RTKN2: variants seen among roughly 807,000 people sequenced by gnomAD.
RTKN2 encodes the protein rhotekin 2.
A neutral mutation model predicts 71.5 loss-of-function variants in RTKN2; 69 were observed. That is an observed-to-expected ratio of 0.96 (90% CI 0.79 to 1.18). The LOEUF is 1.18. Among genes scored for constraint, RTKN2 ranks in the 50% most tolerant of loss-of-function variants. The probability of loss-of-function intolerance (pLI) is 0.00; values close to 1 mark genes in which losing one functional copy is unlikely to be tolerated. For missense variants in RTKN2, 724 were observed against 719.7 expected (o/e 1.01, Z -0.07); for synonymous variants, 236 against 236.5 (o/e 1.00, Z 0.02).
chr10:62,184,754 C>G (rs938159861), intron 8 of RTKN2, among the ~76,000 whole-genome samples: 3 of 152,076 alleles, frequency 2.0e-5, no homozygotes, highest in Non-Finnish European at 2.9e-5. Context: ...TCTAGAGAAC[C>G]CTTTCTCAAC....
chr10:62,186,696 A>T (rs1168449597), intron 8 of RTKN2, among the ~76,000 whole-genome samples: 1 of 152,214 alleles, frequency 6.6e-6, no homozygotes, highest in African/African-American at 2.4e-5. Context: ...TGCTGCTAAA[A>T]GTATGACATT....
rs2132785471 is a variant in RTKN2, at chr10:62,197,065, T to C, written c.*843A>G. On this transcript the variant is annotated 3_prime_UTR_variant, in exon 12 of 12. Coordinates refer to ENST00000373789, the MANE Select transcript of RTKN2 (RefSeq NM_145307.4). ...AATTATTTACCATGGCCAACTTTTC[T>C]GATATTTTTGAATCTCTCATCTTCT... The C allele has an allele frequency of 1.0e-6, 1 of 978,392 alleles. No individual in the cohort carries two copies. The highest frequency in any genetic ancestry group is 1.1e-4 in the East Asian group (1 of 8,790). 60.6% of individuals were successfully genotyped at this position (978,392 alleles called of 1,614,324 possible).
At chr10:62,235,103 G>A (rs1388469955) in intron 6 of RTKN2, among the ~76,000 whole-genome samples, 1 of 152,032 alleles carries the variant, frequency 6.6e-6, no homozygotes, top group African/African-American at 2.4e-5. Flanking sequence ...ACAAGACCTA[G>A]TCTCTTCAAT....
At chr10:62,235,255 A>C (rs943358715) in intron 6 of RTKN2, among the ~76,000 whole-genome samples, 1 of 152,170 alleles carries the variant, frequency 6.6e-6, no homozygotes, top group African/African-American at 2.4e-5. Flanking sequence ...AGAATTGGGC[A>C]ATATGAATAC....
At chr10:62,221,644 A>T (rs1321177191) in intron 7 of RTKN2, among the ~76,000 whole-genome samples, 1 of 152,134 alleles carries the variant, frequency 6.6e-6, no homozygotes, top group African/African-American at 2.4e-5. Flanking sequence ...AATAGATATA[A>T]CTATGGGTCG....
intron 6 of RTKN2, 77 bp from the exon 7 acceptor site, chr10:62,223,409 A>G: frequency 1.2e-6 from 1 of 849,118 alleles, no homozygotes; most frequent in Non-Finnish European, 2.0e-6. Flanking sequence ...ATGTTCAACA[A>G]CAAATAATAA....
chr10:62,193,096 T>A lies in RTKN2; in HGVS notation c.*4812A>T, dbSNP rs1841249884. The A allele has an allele frequency of 2.3e-6, 1 of 431,206 alleles. No homozygotes were observed. Among genetic ancestry groups the A allele is most frequent in the South Asian group, 1.0e-4 (1 of 10,028 alleles). 26.7% of individuals were successfully genotyped at this position (431,206 alleles called of 1,614,324 possible). A position where few individuals can be genotyped will look rare whatever the true frequency, so the allele number is the denominator to read the frequency against. On this transcript the variant is annotated 3_prime_UTR_variant, in exon 12 of 12. Transcript: ENST00000373789. ...AATTGCTACAACTAATTCAGTTAAATGTTTATTAAGATTAAGTTCTACAAA... is the reference window on the plus strand; with the variant it reads ...AATTGCTACAACTAATTCAGTTAAAAGTTTATTAAGATTAAGTTCTACAAA...
rs971407403 is a variant in RTKN2 at position 62,193,667 on chromosome 10, T to C, written c.*4241A>G. The C allele has an allele frequency of 1.0e-6, 1 of 985,314 alleles. No individual in the cohort carries two copies. Among genetic ancestry groups the C allele is most frequent in the Non-Finnish European group, 1.2e-6 (1 of 829,850 alleles). The allele number at this position is 985,314 out of a possible 1,614,324, so 61.0% of individuals were successfully genotyped here. On this transcript the variant is annotated 3_prime_UTR_variant, in exon 12 of 12. Coordinates refer to ENST00000373789, the MANE Select transcript of RTKN2 (RefSeq NM_145307.4). ...GGAATAAAGTACTGAGGGAGGTACA[T>C]TAAAATAAGGAGACTCCTTGTGGCT...
At chr10:62,206,376 A>G (rs902084146) in intron 9 of RTKN2, among the ~76,000 whole-genome samples, 4 of 152,170 alleles carry the variant, frequency 2.6e-5, no homozygotes, top group Non-Finnish European at 5.9e-5. Flanking sequence ...TACAATATGG[A>G]TATTATGTAG....
chr10:62,185,116 A>G (rs113513798), intron 8 of RTKN2, among the ~76,000 whole-genome samples: 5 of 152,030 alleles, frequency 3.3e-5, no homozygotes, highest in African/African-American at 1.2e-4. Context: ...TTTCAGTACT[A>G]ACTTTAGATG....
chr10:62,214,561 A>G (rs1841727630), intron 9 of RTKN2, among the ~76,000 whole-genome samples: 1 of 152,156 alleles, frequency 6.6e-6, no homozygotes, highest in African/African-American at 2.4e-5. Flanking sequence ...CAGTCAGGCC[A>G]TATAAACATT....
intron 2 of RTKN2, among the ~76,000 whole-genome samples, chr10:62,256,590 G>C (rs1399353835): frequency 6.6e-6 from 1 of 151,992 alleles, no homozygotes; most frequent in Non-Finnish European, 1.5e-5. Flanking sequence ...AAATTATTGT[G>C]GTGTGTGTGC....
At chr10:62,205,113 C>A in intron 9 of RTKN2, 91 bp from the exon 10 acceptor site, 1 of 932,970 alleles carries the variant, frequency 1.1e-6, no homozygotes, top group Non-Finnish European at 1.6e-6. Flanking sequence ...CATATTTATA[C>A]CTGATGTAAC....
chr10:62,218,127 AC>A (rs1344513649), intron 8 of RTKN2, 67 bp downstream of exon 8: 2 of 970,270 alleles, frequency 2.1e-6, no homozygotes, highest in African/African-American at 3.3e-5. Context: ...AGAAGGTGAA[AC>A]AACTGCCTGT....
intron 3 of RTKN2, among the ~76,000 whole-genome samples, chr10:62,244,676 C>T (rs1842444861): frequency 6.6e-6 from 1 of 151,800 alleles, no homozygotes; most frequent in African/African-American, 2.4e-5. Context: ...ATGAACAATA[C>T]CACATAAAAA....
downstream of RTKN2, among the ~76,000 whole-genome samples, chr10:62,188,697 T>C (rs1841172563): frequency 6.6e-6 from 1 of 152,004 alleles, no homozygotes; most frequent in Non-Finnish European, 1.5e-5. Context: ...CTAAGAGCTT[T>C]CCTTTCTTTT....
rs1354915039 is a variant in RTKN2, at chr10:62,230,923, A to G, written c.686+5143T>C. 3.3e-5 allele frequency among the ~76,000 whole-genome samples: 5 copies of G among 152,228 alleles called. No individual in the cohort carries two copies. In the East Asian group the frequency reaches 7.7e-4, roughly 23 times the overall value. ...ACCTATTAACCTTTGAATTTACCAA[A>G]TGACATAATTGCTGAATAATCATTT... On this transcript the variant is annotated intron_variant, in intron 6 of 11. Coordinates refer to ENST00000373789, the MANE Select transcript of RTKN2 (RefSeq NM_145307.4).
At chr10:62,204,706 G>A (rs955455834) in intron 10 of RTKN2, 151 bp downstream of exon 10, 1 of 496,064 alleles carries the variant, frequency 2.0e-6, no homozygotes, top group East Asian at 3.4e-5. Context: ...TTGACAGAAA[G>A]AAGCATCAGT....
At chr10:62,244,876 T>A (rs1842448297) in intron 3 of RTKN2, among the ~76,000 whole-genome samples, 1 of 152,196 alleles carries the variant, frequency 6.6e-6, no homozygotes, top group Admixed American at 6.5e-5. Flanking sequence ...TTGTAAAATG[T>A]AGGTCTACCG....
Sources: allele counts gnomAD v4.1 joint callset (sites outside exome capture counted in the v4.1 genomes callset), GRCh38; gene constraint gnomAD v4.1.1; transcripts MANE v1.5; gene names NCBI Gene and HGNC (gene_info 2026-07-23, HGNC 2026-07-21).